Variants in CHD8 observed in about 807,000 individuals in gnomAD.
CHD8 encodes the protein chromodomain helicase DNA binding protein 8, also known as ATP-dependent chromatin remodeler CHD8.
CHD8 carries 31 observed loss-of-function variants against 279.2 expected under a neutral mutation model. That is an observed-to-expected ratio of 0.11 (90% CI 0.08 to 0.15). The LOEUF (loss-of-function observed/expected upper bound fraction) is 0.15, where lower values mean the gene tolerates loss of function less well. CHD8 is among the 10% of genes least tolerant of loss of function. The pLI is 1.00. For synonymous variants in CHD8, 1,081 were observed against 1,139.6 expected (o/e 0.95, Z 1.04); for missense variants, 2,146 against 3,230.5 (o/e 0.66, Z 8.14).
Position 21,401,138 on chromosome 14 carries a change from T to G in CHD8, c.4174-67A>C, listed in dbSNP as rs1327006634. 3.1e-5 allele frequency: 36 copies of G among 1,178,294 alleles called. No individual in the cohort carries two copies. In the Admixed American group the frequency reaches 1.0e-3, roughly 33 times the overall value. 73.0% of individuals were successfully genotyped at this position (1,178,294 alleles called of 1,614,324 possible). A position where few individuals can be genotyped will look rare whatever the true frequency, so the allele number is the denominator to read the frequency against. On this transcript the variant is annotated intron_variant, in intron 21 of 37. Transcript: ENST00000646647. ...TGCTCATGGGAAAAGAATAAGACAA[T>G]TAGGGATTACAATAACATTGGATGT...
At chr14:21,397,598 T>C (rs994396133) in intron 27 of CHD8, 3 of 478,428 alleles carry the variant, frequency 6.3e-6, no homozygotes, top group Non-Finnish European at 1.2e-5. Context: ...AAATAGAACA[T>C]CAAATAAGCC....
At position 21,406,844 on chromosome 14, in the gene CHD8, T is replaced by A. The variant is rs200189975; in HGVS notation, c.2907+12A>T. On this transcript the variant is annotated intron_variant, in intron 14 of 37. Transcript: ENST00000646647. ...CCAGGTGTTTCTGCTCACAAGTCAG[T>A]GTGGAACTCACCAGGTCCATGTGCT... 3,495 of 1,607,384 alleles carry A rather than the reference T, an allele frequency of 2.2e-3. 4 individuals are homozygous for A. The highest frequency in any genetic ancestry group is 2.6e-3 in the Non-Finnish European group (3,112 of 1,176,240).
chr14:21,393,058 C>T lies in CHD8; in HGVS notation c.6468+48G>A, dbSNP rs765546685. 1.7e-5 allele frequency: 27 copies of T among 1,581,728 alleles called. No individual in the cohort carries two copies. The South Asian group carries it at 2.7e-4, about 16-fold the overall frequency. On this transcript the variant is annotated intron_variant, in intron 33 of 37. Coordinates refer to ENST00000646647, the MANE Select transcript of CHD8 (RefSeq NM_001170629.2). The stretch of plus-strand genomic sequence containing the variant: ...TCCTTTTTCCCCGGATATACTGTTA[C>T]ACTGTATTTCTGGACTCTACATGTC...
chr14:21,437,276 G>C, intron 1 of CHD8: 1 of 1,145,850 alleles, frequency 8.7e-7, no homozygotes, highest in Non-Finnish European at 1.1e-6. Context: ...AACCTAACCT[G>C]ATGCTCCTGC....
chr14:21,424,286 G>A (rs1037742721), intron 5 of CHD8, among the ~76,000 whole-genome samples: 1 of 152,022 alleles, frequency 6.6e-6, no homozygotes, highest in South Asian at 2.1e-4. Context: ...GATTTTAAAT[G>A]GTGTTTTAAT....
chr14:21,387,347 G>A (rs1887297848), intron 37 of CHD8, among the ~76,000 whole-genome samples: 1 of 149,810 alleles, frequency 6.7e-6, no homozygotes, highest in Non-Finnish European at 1.5e-5. Flanking sequence ...TTAGCCGGGA[G>A]TCAGCCAGGC....
chr14:21,448,708 C>G (rs1460581013), intron 1 of CHD8, among the ~76,000 whole-genome samples: 10 of 151,822 alleles, frequency 6.6e-5, no homozygotes, highest in Admixed American at 6.6e-4. Flanking sequence ...AGGCGCGCGC[C>G]ACTACACCTG....
intron 5 of CHD8, 120 bp downstream of exon 5, chr14:21,426,008 G>A (rs1442197284): frequency 1.4e-5 from 9 of 639,990 alleles, no homozygotes; most frequent in Non-Finnish European, 2.5e-5. Context: ...TTAGGCCTAC[G>A]CCCAGTTTAG....
intron 27 of CHD8, among the ~76,000 whole-genome samples, 193 bp from the exon 28 acceptor site, chr14:21,396,085 C>G (rs997323418): frequency 6.6e-6 from 1 of 152,140 alleles, no homozygotes; most frequent in African/African-American, 2.4e-5. Context: ...TAGCCTCAAC[C>G]TCCTGGACTC....
chr14:21,429,089 G>A lies in CHD8; in HGVS notation c.1090C>T (p.Pro364Ser), dbSNP rs1889452000. The A allele has an allele frequency of 1.9e-6, 3 of 1,614,018 alleles. No individual in the cohort carries two copies. The highest frequency in any genetic ancestry group is 1.1e-5 in the South Asian group (1 of 91,086). The change falls in exon 3 of 38, where the codon CCC becomes TCC. Residue 364 changes from proline (P) to serine (S), a missense_variant. Physicochemically the swap from Pro to Ser is moderately conservative, Grantham distance 74. Transcript: ENST00000646647. ...VPQPPSSQPQ[P>S]QQPPSTQPVT... ...GGCTGGGTGGAGGGTGGCTGCTGGG[G>A]CTGTGGCTGCGATGATGGTGGTTGT... is the stretch of plus-strand genomic sequence containing the variant.
chr14:21,402,296 T>C lies in CHD8; in HGVS notation c.3882+40A>G. On this transcript the variant is annotated intron_variant, in intron 19 of 37. Transcript: ENST00000646647. This position sits in a 1 kb window ranked among gnomAD's most constrained non-coding sequence, Gnocchi z 4.5. ...TAGCTTTTGTTTCCCTCTATCACAA[T>C]GATCTACTACAAACTTATCTATAAA... 3 of 1,605,686 alleles carry C rather than the reference T, an allele frequency of 1.9e-6. No individual in the cohort carries two copies. The highest frequency in any genetic ancestry group is 1.1e-5 in the South Asian group (1 of 90,932).
rs377696149 is a variant in CHD8, at chr14:21,394,977, C to T, written c.5325G>A (p.Arg1775=). 5.0e-5 allele frequency: 80 copies of T among 1,613,900 alleles called. No homozygotes were observed. Among genetic ancestry groups the T allele is most frequent in the Non-Finnish European group, 6.7e-5 (79 of 1,179,916 alleles). The change falls in exon 30 of 38, where the codon CGG becomes CGA. Residue 1775 remains arginine, a synonymous_variant. Coordinates refer to ENST00000646647, the MANE Select transcript of CHD8 (RefSeq NM_001170629.2). ...MKIEAAERGD[R]RRRRCEAAFK... is the part of the protein sequence containing the mutation. ...AGGCTGCTTCACAACGCCGCCTTCG[C>T]CGGTCCCCACGTTCTGCAGCCTCTA... is the stretch of plus-strand genomic sequence containing the variant.
chr14:21,430,492 T>G (rs1000135734), intron 2 of CHD8: 1 of 270,270 alleles, frequency 3.7e-6, no homozygotes, highest in Non-Finnish European at 7.1e-6. Flanking sequence ...ACACAATTAT[T>G]GTGAACTCTT....
At chr14:21,428,754 T>C (rs765176477) in intron 3 of CHD8, among the ~76,000 whole-genome samples, 1 of 152,182 alleles carries the variant, frequency 6.6e-6, no homozygotes, top group Non-Finnish European at 1.5e-5. Flanking sequence ...CTAAATAATC[T>C]CATATCCCAA....
intron 10 of CHD8, 102 bp from the exon 11 acceptor site, chr14:21,410,090 T>G: frequency 8.6e-7 from 1 of 1,160,698 alleles, no homozygotes; most frequent in East Asian, 2.6e-5. Context: ...AAAGTATCAG[T>G]ACCTAGAAGC....
intron 1 of CHD8, chr14:21,436,894 A>G: frequency 4.8e-6 from 6 of 1,244,846 alleles, no homozygotes; most frequent in Non-Finnish European, 6.3e-6. Context: ...GGACCCGGGT[A>G]CATTACCTGC....
intron 37 of CHD8, among the ~76,000 whole-genome samples, chr14:21,386,815 A>G (rs1034985732): frequency 6.8e-5 from 10 of 148,074 alleles, no homozygotes; most frequent in South Asian, 2.1e-4. Flanking sequence ...CTCCAGCCTG[A>G]GCGACAGCGA....
At chr14:21,410,770 AAACTT>A (rs1888456180) in intron 10 of CHD8, among the ~76,000 whole-genome samples, 1 of 152,242 alleles carries the variant, frequency 6.6e-6, no homozygotes, top group African/African-American at 2.4e-5. Flanking sequence ...AATTCATAGA[AAACTT>A]AAAATAGCCA....
Position 21,393,148 on chromosome 14 carries a change from A to G in CHD8, c.6426T>C (p.Leu2142=). 1 of 1,613,990 alleles carries G rather than the reference A, an allele frequency of 6.2e-7. No individual in the cohort carries two copies. The highest frequency in any genetic ancestry group is 2.2e-5 in the East Asian group (1 of 44,878). ...CTCTTTGTCTTTCCTGCAGTAGCAG[A>G]AGCTCAGGGGTCATTTGTTCTCCAT... The part of the protein sequence containing the change: ...NEDGEQMTPE[L]LLLQERQRAS... The change falls in exon 33 of 38, where the codon CTT becomes CTC. Residue 2142 remains leucine (L), a synonymous_variant. Transcript: ENST00000646647.
Sources: gnomAD v4.1 joint callset for allele counts (sites outside exome capture counted in the v4.1 genomes callset) on GRCh38, gnomAD v4.1.1 for gene constraint, Gnocchi (gnomAD v3.1) non-coding constraint, MANE v1.5 for transcripts, NCBI Gene and HGNC (gene_info 2026-07-23, HGNC 2026-07-21) for gene names.